The following GDF5 variants were observed in gnomAD, a reference collection of about 807,000 sequenced individuals.
GDF5 encodes the protein growth differentiation factor 5.
In GDF5, 17 loss-of-function variants were observed where a neutral mutation model predicts 34.6. That is an observed-to-expected ratio of 0.49 (90% confidence interval 0.34 to 0.74). GDF5 has a LOEUF of 0.74. Among genes scored for constraint, GDF5 ranks in the 30% least tolerant of loss-of-function variants. The pLI is 0.01. For missense variants in GDF5, 616 were observed against 661.2 expected, an observed-to-expected ratio of 0.93 and a Z score of 0.75; for synonymous variants, 332 against 290.7, an observed-to-expected ratio of 1.14 and a Z score of -1.44.
Position 35,437,620 on chromosome 20 carries a change from G to T in GDF5, c.309C>A (p.Gly103=). Residue 103 remains glycine (G), a synonymous_variant, in exon 1 of 2, where the codon GGC becomes GGA. Coordinates refer to ENST00000374369, the MANE Select transcript of GDF5 (RefSeq NM_000557.5). ...GAGGGTGTCCTGGCTTGGGTTCAGG[G>T]CCGCCCGGTCTGGGGGGCAGCTTTT... ...EPKKLPPRPG[G]PEPKPGHPPQ... is the part of the protein sequence containing the mutation. 2 of 1,614,114 alleles carry T rather than the reference G, an allele frequency of 1.2e-6. No individual in the cohort carries two copies. The highest frequency in any genetic ancestry group is 1.7e-6 in the Non-Finnish European group (2 of 1,180,022).
At chr20:35,439,047 G>A (rs1568734533), upstream of GDF5, among the ~76,000 whole-genome samples, 1 of 151,882 alleles carries the variant, frequency 6.6e-6, no homozygotes, top group Non-Finnish European at 1.5e-5. Context: ...GCCATTGACT[G>A]AGTGCATATT....
chr20:35,447,088 T>A (rs1297100779), intron 1 of GDF5, among the ~76,000 whole-genome samples: 1 of 152,182 alleles, frequency 6.6e-6, no homozygotes, highest in Non-Finnish European at 1.5e-5. Context: ...AGTTCTAGGG[T>A]ACATGTGCAC....
Position 35,434,570 on chromosome 20 carries a change from G to A in GDF5, c.845C>T (p.Ser282Phe), listed in dbSNP as rs1435827745. ...GCCAGATCCGTCCAGGCCTGGCACG[G>A]AGCGCACATCCAGCAAGGCGGCCGG... is the stretch of plus-strand genomic sequence containing the variant. ...RQPAALLDVR[S>F]VPGLDGSGWE... is the part of the protein sequence containing the mutation. Residue 282 changes from serine (S) to phenylalanine (F), a missense_variant, in exon 2 of 2, where the codon TCC becomes TTC. Physicochemically the swap from Ser to Phe is radical, Grantham distance 155. Transcript: ENST00000374369. 6.3e-7 allele frequency: 1 copy of A among 1,588,736 alleles called. No individual in the cohort carries two copies. Among genetic ancestry groups the A allele is most frequent in the Non-Finnish European group, 8.6e-7 (1 of 1,166,028 alleles).
chr20:35,452,717 C>T (rs886443946), intron 1 of GDF5, among the ~76,000 whole-genome samples: 1 of 150,196 alleles, frequency 6.7e-6, no homozygotes, highest in Non-Finnish European at 1.5e-5. Flanking sequence ...CCACCGCACC[C>T]GGCCGACTCC....
rs1601070796 is a variant in GDF5 at position 35,434,392 on chromosome 20, C to T, written c.1023G>A (p.Leu341=). The change falls in exon 2 of 2, where the codon CTG becomes CTA. Residue 341 remains leucine, a synonymous_variant. Coordinates refer to ENST00000374369, the MANE Select transcript of GDF5 (RefSeq NM_000557.5). ...TCTTGGTGCGGCCAAACACCAGGAA[C>T]AGGGCTTTCTCGTGGACCTGCCGGG... is the stretch of plus-strand genomic sequence containing the variant. The part of the protein sequence containing the change: ...RAARQVHEKA[L]FLVFGRTKKR... 6.2e-7 allele frequency: 1 copy of T among 1,613,592 alleles called. No individual in the cohort carries two copies. The highest frequency in any genetic ancestry group is 1.3e-5 in the African/African-American group (1 of 74,940).
Position 35,437,452 on chromosome 20 carries a change from C to A in GDF5, c.477G>T (p.Lys159Asn). The A allele has an allele frequency of 6.2e-7, 1 of 1,614,120 alleles. No homozygotes were observed. Among genetic ancestry groups the A allele is most frequent in the South Asian group, 1.1e-5 (1 of 91,084 alleles). ...TGATGGGGGGTGGGCGAAACGGCTC[C>A]TTGGGCTCTCGTGGGGGCCCGGGCT... ...AREPGPPREP[K>N]EPFRPPPITP... The change falls in exon 1 of 2, where the codon AAG becomes AAT. Residue 159 changes from lysine to asparagine, a missense_variant. Physicochemically the swap from Lys to Asn is moderately conservative, Grantham distance 94. Coordinates refer to ENST00000374369, the MANE Select transcript of GDF5 (RefSeq NM_000557.5).
chr20:35,443,943 G>A (rs1048257258), intron 1 of GDF5, among the ~76,000 whole-genome samples: 8 of 151,958 alleles, frequency 5.3e-5, no homozygotes, highest in African/African-American at 1.2e-4. Context: ...GATGCTATCC[G>A]AACCTCCCGA....
upstream of GDF5, among the ~76,000 whole-genome samples, chr20:35,440,106 G>A (rs112283147): frequency 1.1e-4 from 16 of 151,142 alleles, no homozygotes; most frequent in Admixed American, 4.6e-4. Context: ...TAGTAGAGAC[G>A]GAGTTTCACC....
chr20:35,439,785 C>CG (rs1393919787), upstream of GDF5, among the ~76,000 whole-genome samples: 1 of 151,964 alleles, frequency 6.6e-6, no homozygotes, highest in Non-Finnish European at 1.5e-5. Flanking sequence ...TTACCTCCTT[C>CG]GGGAAGCCTT....
At position 35,438,201 on chromosome 20, in the gene GDF5, C is replaced by G. The variant is rs1027624219; in HGVS notation, c.-273G>C. On this transcript the variant is annotated 5_prime_UTR_variant, in exon 1 of 2. Transcript: ENST00000374369. ...ATAACTCGTTCTTGAAAGGAGAAAG[C>G]CGACCGCCCCCTTTCTCCTGCACAA... 25 of 535,506 alleles carry G rather than the reference C, an allele frequency of 4.7e-5. No individual in the cohort carries two copies. The highest frequency in any genetic ancestry group is 1.9e-4 in the South Asian group (9 of 47,110). The allele number at this position is 535,506 out of a possible 1,614,324, so 33.2% of individuals were successfully genotyped here. A position where few individuals can be genotyped will look rare whatever the true frequency, so the allele number is the denominator to read the frequency against.
In GDF5 at chr20:35,437,954, C is replaced by A; in HGVS notation, c.-26G>T. On this transcript the variant is annotated 5_prime_UTR_variant, in exon 1 of 2. Coordinates refer to ENST00000374369, the MANE Select transcript of GDF5 (RefSeq NM_000557.5). ...CCTCTGGCCAGCCGCTGAATGACAC[C>A]AAAGAGAACAGCGGCAGCAGCGAAG... 6.2e-7 allele frequency: 1 copy of A among 1,613,268 alleles called. No homozygotes were observed.
chr20:35,438,824 C>CGTGCGTGTGT (rs1555823679), upstream of GDF5, among the ~76,000 whole-genome samples: 17 of 126,490 alleles, frequency 1.3e-4, no homozygotes, highest in East Asian at 1.5e-3. Context: ...ATTTGTTATG[C>CGTGCGTGTGT]GTGTGTGTGT....
chr20:35,446,946 C>T (rs1452742464), intron 1 of GDF5, among the ~76,000 whole-genome samples: 1 of 152,146 alleles, frequency 6.6e-6, no homozygotes, highest in Non-Finnish European at 1.5e-5. Flanking sequence ...TCTGCCTACA[C>T]TCACCCGCGC....
chr20:35,454,377 C>T (rs1017470425), intron 1 of GDF5, among the ~76,000 whole-genome samples: 1 of 151,776 alleles, frequency 6.6e-6, no homozygotes, highest in Non-Finnish European at 1.5e-5. Context: ...TTACTTGAAC[C>T]TGGGAGGCAG....
chr20:35,445,509 C>G (rs372791585), intron 1 of GDF5, among the ~76,000 whole-genome samples: 17 of 151,414 alleles, frequency 1.1e-4, no homozygotes, highest in African/African-American at 3.4e-4. Context: ...ACTAAAAATA[C>G]AAAAATTAGC....
chr20:35,454,034 G>C, intron 1 of GDF5: 2 of 534,110 alleles, frequency 3.7e-6, no homozygotes, highest in Non-Finnish European at 7.7e-6. Flanking sequence ...GGGATTCTCT[G>C]GGGGTGGAAA....
intron 1 of GDF5, among the ~76,000 whole-genome samples, chr20:35,436,091 C>T (rs1418966165): frequency 6.6e-6 from 1 of 152,190 alleles, no homozygotes; most frequent in East Asian, 1.9e-4. Context: ...ATCTCCGAAT[C>T]AGCATGCCCT....
Position 35,437,903 on chromosome 20 carries a change from A to G in GDF5, c.26T>C (p.Phe9Ser). ...CAGCCAAGCCAGGTACCAAAGCAAG[A>G]AAGTGAGGAGTTTGGGGAGTCTCAT... The part of the protein sequence containing the change: MRLPKLLT[F>S]LLWYLAWLDL... Residue 9 changes from phenylalanine to serine, a missense_variant, in exon 1 of 2, where the codon TTC (phenylalanine) becomes TCC (serine). Coordinates refer to ENST00000374369, the MANE Select transcript of GDF5 (RefSeq NM_000557.5). 6.2e-7 allele frequency: 1 copy of G among 1,614,120 alleles called. No homozygotes were observed. Among genetic ancestry groups the G allele is most frequent in the Non-Finnish European group, 8.5e-7 (1 of 1,179,988 alleles).
intron 1 of GDF5, among the ~76,000 whole-genome samples, chr20:35,446,473 T>C (rs2062514641): frequency 6.7e-6 from 1 of 149,984 alleles, no homozygotes; most frequent in Non-Finnish European, 1.5e-5. Flanking sequence ...GGTCTCACTC[T>C]GTCATCCAGG....
Sources: allele counts gnomAD v4.1 joint callset (sites outside exome capture counted in the v4.1 genomes callset), GRCh38; gene constraint gnomAD v4.1.1; transcripts MANE v1.5; gene names NCBI Gene and HGNC (gene_info 2026-07-23, HGNC 2026-07-21).